The following IL1RL1 variants were observed in gnomAD, a reference collection of about 807,000 sequenced individuals.
IL1RL1 encodes the protein interleukin-1 receptor-like 1.
IL1RL1 carries 32 observed loss-of-function variants against 50.9 expected under a neutral mutation model. The observed-to-expected ratio is 0.63, with a 90% confidence interval of 0.47 to 0.84. IL1RL1 has a LOEUF of 0.84. Among genes scored for constraint, IL1RL1 ranks in the 40% least tolerant of loss-of-function variants. The pLI is 0.00. For synonymous variants in IL1RL1, 275 were observed against 236.0 expected, an observed-to-expected ratio of 1.17 and a Z score of -1.51; for missense variants, 773 against 662.9, an observed-to-expected ratio of 1.17 and a Z score of -1.82.
At chr2:102,319,944 C>T (rs1208421526) in intron 1 of IL1RL1, among the ~76,000 whole-genome samples, 1 of 152,216 alleles carries the variant, frequency 6.6e-6, no homozygotes, top group African/African-American at 2.4e-5. Context: ...CCACCTCAGC[C>T]TCCCAAAGTG....
At chr2:102,349,028 G>A in intron 9 of IL1RL1, 51 bp from the exon 10 acceptor site, 1 of 1,442,646 alleles carries the variant, frequency 6.9e-7, no homozygotes, top group Non-Finnish European at 9.7e-7. Context: ...AGAGTCCAGT[G>A]AGAATTTTTA....
chr2:102,332,556 A>G (rs1456014300), intron 1 of IL1RL1, among the ~76,000 whole-genome samples: 1 of 152,226 alleles, frequency 6.6e-6, no homozygotes, highest in Non-Finnish European at 1.5e-5. Context: ...GCAGTCACAA[A>G]GGGCACTTAT....
chr2:102,323,247 TTA>T (rs371889389), intron 1 of IL1RL1, among the ~76,000 whole-genome samples: 78 of 98,636 alleles, frequency 7.9e-4, no homozygotes, highest in South Asian at 1.6e-3. Context: ...TTGTTAGGTT[TTA>T]TATATATATA....
intron 1 of IL1RL1, among the ~76,000 whole-genome samples, chr2:102,333,314 A>G (rs1677224391): frequency 6.6e-6 from 1 of 152,196 alleles, no homozygotes; most frequent in African/African-American, 2.4e-5. Flanking sequence ...ATGCAATTGC[A>G]GGTAGGATGT....
chr2:102,330,288 A>C (rs1045383257), intron 1 of IL1RL1, among the ~76,000 whole-genome samples: 1 of 150,964 alleles, frequency 6.6e-6, no homozygotes, highest in East Asian at 2.0e-4. Context: ...GGAATTGGAC[A>C]ATGAGAACAC....
At chr2:102,348,765 G>A (rs1677849578) in intron 9 of IL1RL1, among the ~76,000 whole-genome samples, 5 of 152,136 alleles carry the variant, frequency 3.3e-5, no homozygotes, top group Admixed American at 2.6e-4. Flanking sequence ...TGAAACCAAA[G>A]TCTATTCAGC....
intron 1 of IL1RL1, among the ~76,000 whole-genome samples, chr2:102,317,547 T>A (rs1394364424): frequency 3.3e-5 from 5 of 152,152 alleles, no homozygotes; most frequent in African/African-American, 7.2e-5. Context: ...AAGTGGTAGT[T>A]GATGAGTAAG....
chr2:102,340,852 T>C (rs2104987999), intron 5 of IL1RL1, 24 bp downstream of exon 5: 3 of 1,530,730 alleles, frequency 2.0e-6, no homozygotes, highest in East Asian at 2.4e-5. Flanking sequence ...ATTAATGAGA[T>C]AGAATACTAC....
At chr2:102,332,083 A>G (rs1677192955) in intron 1 of IL1RL1, among the ~76,000 whole-genome samples, 1 of 152,140 alleles carries the variant, frequency 6.6e-6, no homozygotes, top group Non-Finnish European at 1.5e-5. Flanking sequence ...TAATAATAAT[A>G]ATGATAATAA....
chr2:102,329,553 A>T (rs1677114147), intron 1 of IL1RL1, among the ~76,000 whole-genome samples: 1 of 152,358 alleles, frequency 6.6e-6, no homozygotes, highest in East Asian at 1.9e-4. Context: ...TGAACAGGCA[A>T]CTTACAGAAT....
At position 102,347,961 on chromosome 2, in the gene IL1RL1, C is replaced by T; in HGVS notation, c.987C>T (p.Ile329=). The T allele has an allele frequency of 6.6e-7, 1 of 1,507,506 alleles. No homozygotes were observed. Among genetic ancestry groups the T allele is most frequent in the Non-Finnish European group, 9.2e-7 (1 of 1,083,662 alleles). 93.4% of individuals were successfully genotyped at this position (1,507,506 alleles called of 1,614,324 possible). A position where few individuals can be genotyped will look rare whatever the true frequency, so the allele number is the denominator to read the frequency against. ...SRKNPIDHHS[I]YCIIAVCSVF... Reference sequence around the variant, plus strand: ...TTTGAATAGTTGATCATCATAGCATCTACTGCATAATTGCAGTATGTAGTG... The same window carrying T: ...TTTGAATAGTTGATCATCATAGCATTTACTGCATAATTGCAGTATGTAGTG... Residue 329 remains isoleucine (I), a synonymous_variant, in exon 9 of 11, where the codon ATC becomes ATT. Coordinates refer to ENST00000233954, the MANE Select transcript of IL1RL1 (RefSeq NM_016232.5).
At chr2:102,333,993 C>T (rs1334999750) in intron 1 of IL1RL1, among the ~76,000 whole-genome samples, 2 of 152,132 alleles carry the variant, frequency 1.3e-5, no homozygotes, top group East Asian at 1.9e-4. Context: ...TTGATGGACA[C>T]TTGAGTTGGT....
At chr2:102,328,563 A>T (rs1350493375) in intron 1 of IL1RL1, among the ~76,000 whole-genome samples, 1 of 152,192 alleles carries the variant, frequency 6.6e-6, no homozygotes, top group African/African-American at 2.4e-5. Flanking sequence ...AGGAAGTCAA[A>T]TTGTCCCTGT....
intron 1 of IL1RL1, among the ~76,000 whole-genome samples, chr2:102,327,062 C>G (rs1255683954): frequency 2.6e-5 from 4 of 152,146 alleles, no homozygotes; most frequent in Non-Finnish European, 5.9e-5. Flanking sequence ...TTTTTTTCAG[C>G]ACCACACCAC....
intron 9 of IL1RL1, 152 bp from the exon 10 acceptor site, chr2:102,348,927 G>T: frequency 1.6e-6 from 1 of 606,224 alleles, no homozygotes; most frequent in Non-Finnish European, 2.9e-6. Context: ...TGTGGCAGTG[G>T]TTTGACGTCA....
chr2:102,336,227 A>G (rs1029819011), intron 1 of IL1RL1, among the ~76,000 whole-genome samples: 3 of 152,152 alleles, frequency 2.0e-5, no homozygotes, highest in African/African-American at 7.2e-5. Flanking sequence ...CTTGAGTTCA[A>G]ATTCTGACTT....
chr2:102,345,497 C>A, intron 8 of IL1RL1: 1 of 985,356 alleles, frequency 1.0e-6, no homozygotes. Context: ...GTGTTAAACC[C>A]TGAGTTCCCA....
At chr2:102,341,172 T>C (rs1401161411) in intron 5 of IL1RL1, 8 of 1,099,574 alleles carry the variant, frequency 7.3e-6, no homozygotes, top group Non-Finnish European at 9.0e-6. Flanking sequence ...AACCAGCTTT[T>C]TTTTTTTTTT....
chr2:102,347,959 A>T lies in IL1RL1; in HGVS notation c.985A>T (p.Ile329Phe), dbSNP rs112595294. 5 of 1,515,996 alleles carry T rather than the reference A, an allele frequency of 3.3e-6. No individual in the cohort carries two copies. The highest frequency in any genetic ancestry group is 3.7e-6 in the Non-Finnish European group (4 of 1,091,418). The allele number at this position is 1,515,996 out of a possible 1,614,324, so 93.9% of individuals were successfully genotyped here. The change falls in exon 9 of 11, where the codon ATC (isoleucine) becomes TTC (phenylalanine). Residue 329 changes from isoleucine (I) to phenylalanine (F), a missense_variant. Coordinates refer to ENST00000233954, the MANE Select transcript of IL1RL1 (RefSeq NM_016232.5). ...CTTTTGAATAGTTGATCATCATAGC[A>T]TCTACTGCATAATTGCAGTATGTAG... ...SRKNPIDHHS[I>F]YCIIAVCSVF... is the part of the protein sequence containing the mutation.
Sources: allele counts gnomAD v4.1 joint callset (sites outside exome capture counted in the v4.1 genomes callset), GRCh38; gene constraint gnomAD v4.1.1; transcripts MANE v1.5; gene names NCBI Gene and HGNC (gene_info 2026-07-23, HGNC 2026-07-21).